Variants in RUNDC3B observed in about 807,000 individuals in gnomAD.
The protein encoded by RUNDC3B is RUN domain-containing protein 3B.
Under a neutral mutation model 58.4 loss-of-function variants are expected in RUNDC3B, and 33 were observed. The observed-to-expected ratio is 0.56, with a 90% CI of 0.43 to 0.75. The LOEUF is 0.75. Among genes scored for constraint, RUNDC3B ranks in the 30% least tolerant of loss-of-function variants. The probability of loss-of-function intolerance (pLI) is 0.00; values close to 1 mark genes in which losing one functional copy is unlikely to be tolerated. For missense variants in RUNDC3B, 501 were observed against 535.7 expected (o/e 0.94, Z 0.64); for synonymous variants, 193 against 195.2 (o/e 0.99, Z 0.10).
At chr7:87,659,054 T>C (rs368340176) in intron 2 of RUNDC3B, among the ~76,000 whole-genome samples, 15 of 152,024 alleles carry the variant, frequency 9.9e-5, no homozygotes, top group African/African-American at 3.6e-4. Flanking sequence ...TTTGGGCGGC[T>C]GAGGTGGGAG....
intron 6 of RUNDC3B, among the ~76,000 whole-genome samples, chr7:87,762,568 G>A (rs891031748): frequency 1.3e-5 from 2 of 151,234 alleles, no homozygotes; most frequent in African/African-American, 4.8e-5. Flanking sequence ...AGTCCATTTT[G>A]TATGATATTA....
Position 87,628,571 on chromosome 7 carries a change from T to G in RUNDC3B, c.-253T>G. 3.2e-6 allele frequency: 1 copy of G among 315,778 alleles called. No individual in the cohort carries two copies. The highest frequency in any genetic ancestry group is 5.5e-6 in the Non-Finnish European group (1 of 181,644). 19.6% of individuals were successfully genotyped at this position (315,778 alleles called of 1,614,324 possible). ...GTCGGCGGCGCGCCGAGGGCGGAGG[T>G]GGTGCGTGCGTGCGTGTGTGTGTGT... On this transcript the variant is annotated 5_prime_UTR_variant, in exon 1 of 11. Transcript: ENST00000394654.
chr7:87,830,201 C>G lies in RUNDC3B; in HGVS notation c.*171C>G. The G allele has an allele frequency of 2.6e-6, 1 of 390,592 alleles. No homozygotes were observed. The highest frequency in any genetic ancestry group is 4.5e-6 in the Non-Finnish European group (1 of 221,648). 24.2% of individuals were successfully genotyped at this position (390,592 alleles called of 1,614,324 possible). A position where few individuals can be genotyped will look rare whatever the true frequency, so the allele number is the denominator to read the frequency against. ...ATTTTGAGTGAAAAACATAATGATC[C>G]TGCCATTTTTCATTTTTAAAATTCT... is the stretch of plus-strand genomic sequence containing the variant. On this transcript the variant is annotated 3_prime_UTR_variant, in exon 11 of 11. Transcript: ENST00000394654.
intron 1 of RUNDC3B, among the ~76,000 whole-genome samples, chr7:87,634,479 C>T (rs1473979513): frequency 1.7e-3 from 10 of 5,908 alleles, no homozygotes; most frequent in Admixed American, 4.5e-3. Flanking sequence ...AACAGTCAGG[C>T]GTGGTGGTGG....
At chr7:87,697,108 A>C (rs1278347800) in intron 2 of RUNDC3B, among the ~76,000 whole-genome samples, 1 of 152,216 alleles carries the variant, frequency 6.6e-6, no homozygotes, top group Non-Finnish European at 1.5e-5. Context: ...ACCATGTCCT[A>C]TGCCAAAGTC....
In RUNDC3B at chr7:87,795,596, G is replaced by A. The variant is rs1310056281; in HGVS notation, c.957-11777G>A. Among the ~76,000 whole-genome samples the A allele has an allele frequency of 2.6e-5, 4 of 152,092 alleles. No individual in the cohort carries two copies. The East Asian group carries it at 7.7e-4, about 29-fold the overall frequency. ...GGTTCCTCAAGAAATTAAAAATAAT[G>A]GCTGGGCATGGTGGCTCAAGCCTGT... is the stretch of plus-strand genomic sequence containing the variant. On this transcript the variant is annotated intron_variant, in intron 8 of 10. Transcript: ENST00000394654.
At chr7:87,707,272 G>T (rs1218281025) in intron 3 of RUNDC3B, among the ~76,000 whole-genome samples, 3 of 151,998 alleles carry the variant, frequency 2.0e-5, no homozygotes, top group African/African-American at 7.2e-5. Flanking sequence ...CAAACCTATG[G>T]GTGATAGAGA....
intron 1 of RUNDC3B, 126 bp downstream of exon 1, chr7:87,629,071 C>A (rs1228087332): frequency 7.4e-6 from 7 of 950,260 alleles, no homozygotes; most frequent in Non-Finnish European, 9.8e-6. Context: ...TATGTTGCGC[C>A]AGCCAAATCT....
At chr7:87,691,399 AC>A (rs972175182) in intron 2 of RUNDC3B, among the ~76,000 whole-genome samples, 1 of 152,130 alleles carries the variant, frequency 6.6e-6, no homozygotes, top group African/African-American at 2.4e-5. Flanking sequence ...GTATAATTAT[AC>A]TGTTGTATTT....
chr7:87,657,098 G>A (rs1388647357), intron 2 of RUNDC3B, among the ~76,000 whole-genome samples: 1 of 152,056 alleles, frequency 6.6e-6, no homozygotes, highest in Admixed American at 6.6e-5. Context: ...TAAACCCTGG[G>A]CATTATACAT....
intron 1 of RUNDC3B, among the ~76,000 whole-genome samples, chr7:87,650,164 T>C (rs535376851): frequency 6.6e-6 from 1 of 152,262 alleles, no homozygotes; most frequent in South Asian, 2.1e-4. Context: ...GTAGTATTAC[T>C]GTTTTTGAGT....
chr7:87,728,512 C>G (rs1209672052), intron 4 of RUNDC3B, among the ~76,000 whole-genome samples: 3 of 152,156 alleles, frequency 2.0e-5, no homozygotes, highest in Non-Finnish European at 2.9e-5. Context: ...GAATTAATTT[C>G]TTGCCTCTTC....
chr7:87,678,045 A>G (rs1826555857), intron 2 of RUNDC3B, among the ~76,000 whole-genome samples: 2 of 152,254 alleles, frequency 1.3e-5, no homozygotes, highest in Admixed American at 6.5e-5. Flanking sequence ...AATGCTAACA[A>G]AAGTTCTTCA....
intron 6 of RUNDC3B, among the ~76,000 whole-genome samples, chr7:87,742,542 T>G (rs2130814619): frequency 2.0e-5 from 3 of 152,180 alleles, no homozygotes; most frequent in African/African-American, 7.2e-5. Context: ...AATGCATTCC[T>G]TTTTATGGCT....
At chr7:87,675,210 G>A (rs1439588586) in intron 2 of RUNDC3B, among the ~76,000 whole-genome samples, 1 of 152,196 alleles carries the variant, frequency 6.6e-6, no homozygotes, top group Non-Finnish European at 1.5e-5. Context: ...TCCACCCAGT[G>A]TCTGCTTCCT....
chr7:87,756,555 A>G (rs1213391138), intron 6 of RUNDC3B, among the ~76,000 whole-genome samples: 1 of 152,092 alleles, frequency 6.6e-6, no homozygotes, highest in Non-Finnish European at 1.5e-5. Context: ...CCAGATTGGT[A>G]AGTTATGGCT....
intron 8 of RUNDC3B, among the ~76,000 whole-genome samples, chr7:87,805,402 T>C (rs1217018161): frequency 1.3e-5 from 2 of 152,172 alleles, no homozygotes; most frequent in African/African-American, 4.8e-5. Flanking sequence ...TCACAAAAGA[T>C]GGGAAATAGA....
At chr7:87,733,335 A>G (rs1021221438) in intron 4 of RUNDC3B, among the ~76,000 whole-genome samples, 3 of 152,176 alleles carry the variant, frequency 2.0e-5, no homozygotes, top group Non-Finnish European at 4.4e-5. Flanking sequence ...GTCTTTACAC[A>G]ATCCTGCATG....
chr7:87,812,598 G>A lies in RUNDC3B; in HGVS notation c.1104-3543G>A, dbSNP rs1389239606. Among the ~76,000 whole-genome samples, 3 of 152,256 alleles carry A rather than the reference G, an allele frequency of 2.0e-5. No homozygotes were observed. The East Asian group carries it at 5.8e-4, about 29-fold the overall frequency. On this transcript the variant is annotated intron_variant, in intron 9 of 10. Transcript: ENST00000394654. ...CACTCTAGCCTGGGCAACAGAGTGAGACTCCATCTCAAATAAATAAGTAAA... is the reference window on the plus strand; with the variant it reads ...CACTCTAGCCTGGGCAACAGAGTGAAACTCCATCTCAAATAAATAAGTAAA...
Sources: allele counts gnomAD v4.1 joint callset (sites outside exome capture counted in the v4.1 genomes callset), GRCh38; gene constraint gnomAD v4.1.1; transcripts MANE v1.5; gene names NCBI Gene and HGNC (gene_info 2026-07-23, HGNC 2026-07-21).